The following ANO5 variants were observed in gnomAD, a reference collection of about 807,000 sequenced individuals.
ANO5 encodes the protein anoctamin-5.
A neutral mutation model predicts 121.0 loss-of-function variants in ANO5; 109 were observed. The observed-to-expected ratio is 0.90, with a 90% CI of 0.77 to 1.06. The LOEUF (loss-of-function observed/expected upper bound fraction) is 1.06, where lower values mean the gene tolerates loss of function less well. ANO5 is among the 50% of genes least tolerant of loss of function. The pLI, the probability that ANO5 is intolerant of heterozygous loss-of-function variation, is 0.00. For synonymous variants in ANO5, 406 were observed against 359.9 expected (o/e 1.13, Z -1.45); for missense variants, 1,064 against 1,078.5 (o/e 0.99, Z 0.19).
intron 4 of ANO5, among the ~76,000 whole-genome samples, chr11:22,218,906 A>G (rs1852549994): frequency 6.6e-6 from 1 of 152,096 alleles, no homozygotes; most frequent in South Asian, 2.1e-4. Context: ...CATCCTTTAC[A>G]GAGAAGCCAC....
chr11:22,211,372 T>C, intron 3 of ANO5, 58 bp downstream of exon 3: 1 of 1,521,210 alleles, frequency 6.6e-7, no homozygotes, highest in South Asian at 1.1e-5. Context: ...CATCTTTTTG[T>C]AGTCTGCAAT....
intron 1 of ANO5, among the ~76,000 whole-genome samples, chr11:22,201,989 G>T (rs554407233): frequency 6.6e-6 from 1 of 152,160 alleles, no homozygotes; most frequent in Non-Finnish European, 1.5e-5. Flanking sequence ...AAGGTATAAG[G>T]ATCTGAAAGG....
intron 7 of ANO5, among the ~76,000 whole-genome samples, chr11:22,228,567 A>G (rs1197227022): frequency 1.3e-5 from 2 of 151,918 alleles, no homozygotes; most frequent in Non-Finnish European, 2.9e-5. Flanking sequence ...CTACTATGCA[A>G]TAGAACACCA....
intron 2 of ANO5, among the ~76,000 whole-genome samples, chr11:22,208,017 T>G (rs536172624): frequency 2.0e-5 from 3 of 152,022 alleles, no homozygotes; most frequent in African/African-American, 7.2e-5. Flanking sequence ...AAATATAAAA[T>G]AGTGACAATA....
At chr11:22,253,304 C>T (rs1245256478) in intron 12 of ANO5, among the ~76,000 whole-genome samples, 3 of 152,044 alleles carry the variant, frequency 2.0e-5, no homozygotes, top group Admixed American at 6.6e-5. Flanking sequence ...CCTTACAGTA[C>T]TCTTTTTGCT....
In ANO5 at chr11:22,281,186, C is replaced by G. The variant is rs1855062143; in HGVS notation, c.*1421C>G. On this transcript the variant is annotated 3_prime_UTR_variant, in exon 22 of 22. Coordinates refer to ENST00000324559, the MANE Select transcript of ANO5 (RefSeq NM_213599.3). ...ATCTCCAGTTTCAAATTATAATTCA[C>G]CTCCAAAAGAATAGTTTTTTAATCA... 2 of 151,936 alleles carry G rather than the reference C, an allele frequency of 1.3e-5. No individual in the cohort carries two copies. The highest frequency in any genetic ancestry group is 1.5e-5 in the Non-Finnish European group (1 of 67,878). The allele number at this position is 151,936 out of a possible 1,614,324, so 9.4% of individuals were successfully genotyped here. A position where few individuals can be genotyped will look rare whatever the true frequency, so the allele number is the denominator to read the frequency against.
chr11:22,238,603 G>A (rs1449745101), intron 8 of ANO5, among the ~76,000 whole-genome samples: 1 of 151,910 alleles, frequency 6.6e-6, no homozygotes, highest in Non-Finnish European at 1.5e-5. Context: ...TGCTTTTTTG[G>A]TTGTTTAATT....
rs1477764012 is a variant in ANO5 at position 22,282,053 on chromosome 11, G to C, written c.*2288G>C. The C allele has an allele frequency of 6.6e-6, 1 of 152,084 alleles. No homozygotes were observed. Among genetic ancestry groups the C allele is most frequent in the Admixed American group, 6.6e-5 (1 of 15,266 alleles). The allele number at this position is 152,084 out of a possible 1,614,324, so 9.4% of individuals were successfully genotyped here. A position where few individuals can be genotyped will look rare whatever the true frequency, so the allele number is the denominator to read the frequency against. On this transcript the variant is annotated 3_prime_UTR_variant, in exon 22 of 22. Coordinates refer to ENST00000324559, the MANE Select transcript of ANO5 (RefSeq NM_213599.3). Reference sequence around the variant, plus strand: ...ATCAGTAGCCAAACCAATTCAGATAGATGTGTCTCATCTAATTAAACCCAT... The same window carrying C: ...ATCAGTAGCCAAACCAATTCAGATACATGTGTCTCATCTAATTAAACCCAT...
chr11:22,272,634 T>TAG lies in ANO5; in HGVS notation c.2030-147_2030-146dup, dbSNP rs541109219. The stretch of plus-strand genomic sequence containing the variant: ...AGGTAAGTCACTGTGCCTCCTGTGG[T>TAG]AGAGGAGGAACTGGACAGACGGATG... On this transcript the variant is annotated intron_variant, in intron 18 of 21. Coordinates refer to ENST00000324559, the MANE Select transcript of ANO5 (RefSeq NM_213599.3). 1.9e-3 allele frequency: 1,399 copies of TAG among 725,504 alleles called. 1 individual carries two copies. Among genetic ancestry groups the TAG allele is most frequent in the Non-Finnish European group, 2.8e-3 (1,190 of 423,470 alleles). The allele number at this position is 725,504 out of a possible 1,614,324, so 44.9% of individuals were successfully genotyped here. A position where few individuals can be genotyped will look rare whatever the true frequency, so the allele number is the denominator to read the frequency against.
intron 9 of ANO5, among the ~76,000 whole-genome samples, chr11:22,241,165 C>A (rs558631295): frequency 2.0e-4 from 14 of 69,038 alleles, no homozygotes; most frequent in Admixed American, 9.0e-4. Context: ...GTTTTTTAAC[C>A]CACACCCCTC....
rs546818762 is a variant in ANO5 at position 22,193,539 on chromosome 11, C to G, written c.40+7C>G. 1 of 1,612,288 alleles carries G rather than the reference C, an allele frequency of 6.2e-7. No individual in the cohort carries two copies. Among genetic ancestry groups the G allele is most frequent in the African/African-American group, 1.3e-5 (1 of 75,040 alleles). ...GAAGTGTTGGCGGAGGAAGGTAGGA[C>G]CGCGCCAAGAGGCGTCAAGGGAGAG... On this transcript the variant is annotated splice_region_variant and intron_variant, in intron 1 of 21. Transcript: ENST00000324559.
intron 3 of ANO5, among the ~76,000 whole-genome samples, chr11:22,217,949 T>TAAATA (rs780104891): frequency 2.7e-3 from 404 of 152,076 alleles, no homozygotes; most frequent in Non-Finnish European, 4.0e-3. Context: ...AAAGTAGAAA[T>TAAATA]AAATAAAATA....
intron 4 of ANO5, among the ~76,000 whole-genome samples, 169 bp downstream of exon 4, chr11:22,218,456 G>A (rs192090651): frequency 6.6e-6 from 1 of 152,088 alleles, no homozygotes; most frequent in African/African-American, 2.4e-5. Flanking sequence ...TCTGGATTTG[G>A]ATTAAATCTA....
At chr11:22,276,060 A>ATTT in intron 20 of ANO5, 34 bp from the exon 21 acceptor site, 1 of 1,054,350 alleles carries the variant, frequency 9.5e-7, no homozygotes, top group Non-Finnish European at 1.4e-6. Context: ...AACTATTATT[A>ATTT]TTTTTTTTTT....
chr11:22,265,451 A>G (rs1471145109), intron 17 of ANO5, among the ~76,000 whole-genome samples: 1 of 152,122 alleles, frequency 6.6e-6, no homozygotes, highest in African/African-American at 2.4e-5. Context: ...AACTACTGAA[A>G]GATTTTCTTG....
In ANO5 at chr11:22,227,527, G is replaced by A. The variant is rs770413331; in HGVS notation, c.589G>A (p.Glu197Lys). The change falls in exon 7 of 22, where the codon GAG becomes AAG. Residue 197 changes from glutamate to lysine, a missense_variant. By Grantham distance (56) the Glu-to-Lys change is moderately conservative. Coordinates refer to ENST00000324559, the MANE Select transcript of ANO5 (RefSeq NM_213599.3). ...TGCACAATTCAGCAGACATCGGCAGGAGCTCTTCCTCATCGAAGATCAGGC... is the reference window on the plus strand; with the variant it reads ...TGCACAATTCAGCAGACATCGGCAGAAGCTCTTCCTCATCGAAGATCAGGC... ...FTAQFSRHRQ[E>K]LFLIEDQATF... 2 of 1,613,462 alleles carry A rather than the reference G, an allele frequency of 1.2e-6. No individual in the cohort carries two copies. The highest frequency in any genetic ancestry group is 8.5e-7 in the Non-Finnish European group (1 of 1,179,714).
At chr11:22,265,552 G>T (rs186804526) in intron 17 of ANO5, among the ~76,000 whole-genome samples, 9 of 152,146 alleles carry the variant, frequency 5.9e-5, no homozygotes, top group African/African-American at 2.2e-4. Context: ...AAATTATTTG[G>T]TAGACTCTAA....
At chr11:22,217,064 T>C (rs747652946) in intron 3 of ANO5, among the ~76,000 whole-genome samples, 3 of 151,940 alleles carry the variant, frequency 2.0e-5, no homozygotes, top group Non-Finnish European at 4.4e-5. Flanking sequence ...TCTTGTATCT[T>C]TTGTATTTTA....
chr11:22,258,514 A>C (rs1276999562), intron 14 of ANO5, among the ~76,000 whole-genome samples: 2 of 152,220 alleles, frequency 1.3e-5, no homozygotes, highest in African/African-American at 4.8e-5. Context: ...AACTTTTAGA[A>C]TAAAATTCTC....
Sources: gnomAD v4.1 joint callset for allele counts (sites outside exome capture counted in the v4.1 genomes callset) on GRCh38, gnomAD v4.1.1 for gene constraint, MANE v1.5 for transcripts, NCBI Gene and HGNC (gene_info 2026-07-23, HGNC 2026-07-21) for gene names.